PARVA: variants seen among roughly 807,000 people sequenced by gnomAD.
PARVA encodes parvin alpha.
Under a neutral mutation model 52.6 loss-of-function variants are expected in PARVA, and 25 were observed. The observed-to-expected ratio is 0.48, with a 90% CI of 0.35 to 0.66. The LOEUF (loss-of-function observed/expected upper bound fraction) is 0.66. Among genes scored for constraint, PARVA ranks in the 30% least tolerant of loss-of-function variants. The probability of loss-of-function intolerance (pLI) is 0.01; values close to 1 mark genes in which losing one functional copy is unlikely to be tolerated. For missense variants in PARVA, 373 were observed against 450.9 expected (o/e 0.83, Z 1.56); for synonymous variants, 185 against 179.1 (o/e 1.03, Z -0.26).
intron 1 of PARVA, among the ~76,000 whole-genome samples, chr11:12,416,497 A>G (rs1940069106): frequency 6.6e-6 from 1 of 152,182 alleles, no homozygotes; most frequent in Non-Finnish European, 1.5e-5. Flanking sequence ...AACCTAAATA[A>G]TGAATACCAA....
chr11:12,496,358 G>GCATGAGTGCATGCATT, intron 4 of PARVA, 100 bp from the exon 5 acceptor site: 2 of 1,238,752 alleles, frequency 1.6e-6, no homozygotes, highest in Non-Finnish European at 2.2e-6. Context: ...GTGCATGCAT[G>GCATGAGTGCATGCATT]CATGAGTGCA....
chr11:12,419,115 T>TA (rs1342141397), intron 1 of PARVA, among the ~76,000 whole-genome samples: 1 of 152,182 alleles, frequency 6.6e-6, no homozygotes, highest in African/African-American at 2.4e-5. Flanking sequence ...CCAGCCATCT[T>TA]AAAAAAATTG....
chr11:12,513,368 A>C lies in PARVA; in HGVS notation c.798+8A>C. ...CTGAATGTGGTGAAAAAGGTGGGAA[A>C]GGGGTGCCTGGGATGGACAGAGGGA... On this transcript the variant is annotated splice_region_variant and intron_variant, in intron 9 of 12. Coordinates refer to ENST00000334956, the MANE Select transcript of PARVA (RefSeq NM_018222.5). 1 of 1,613,060 alleles carries C rather than the reference A, an allele frequency of 6.2e-7. No homozygotes were observed. Among genetic ancestry groups the C allele is most frequent in the Non-Finnish European group, 8.5e-7 (1 of 1,178,978 alleles).
chr11:12,486,935 C>A, intron 4 of PARVA, among the ~76,000 whole-genome samples: 1 of 152,194 alleles, frequency 6.6e-6, no homozygotes, highest in East Asian at 1.9e-4. Context: ...TTGGTAGCGG[C>A]AACTAGTGGT....
chr11:12,527,907 G>C lies in PARVA; in HGVS notation c.1101G>C (p.Lys367Asn), dbSNP rs1478564474. ...GAGTGTTGTACAACCTCTTCACCAA[G>C]TACCGTAACGTGGAGTGAGGGGCTG... Reference protein sequence around the residue: ...TLRVLYNLFTKYRNVE With the variant: ...TLRVLYNLFTNYRNVE The change falls in exon 13 of 13, where the codon AAG (lysine) becomes AAC (asparagine). Residue 367 changes from lysine (K) to asparagine (N), a missense_variant. Lys to Asn is a moderately conservative substitution (Grantham distance 94). Transcript: ENST00000334956. 1.9e-6 allele frequency: 3 copies of C among 1,612,510 alleles called. No individual in the cohort carries two copies. The East Asian group carries it at 6.7e-5, about 36-fold the overall frequency.
intron 7 of PARVA, among the ~76,000 whole-genome samples, chr11:12,509,632 T>G (rs900955852): frequency 6.6e-6 from 1 of 152,200 alleles, no homozygotes; most frequent in East Asian, 1.9e-4. Context: ...TAACAAGGAC[T>G]AAGGGGCGTG....
chr11:12,503,725 C>T (rs911541832), intron 5 of PARVA, among the ~76,000 whole-genome samples: 2 of 151,386 alleles, frequency 1.3e-5, no homozygotes, highest in African/African-American at 4.9e-5. Context: ...CAGAGCAAGA[C>T]CCTGCTTCAA....
At chr11:12,525,645 G>T (rs1023896151) in intron 12 of PARVA, among the ~76,000 whole-genome samples, 3 of 152,182 alleles carry the variant, frequency 2.0e-5, no homozygotes, top group African/African-American at 7.2e-5. Context: ...CTGGCAGAAG[G>T]TGATTCAGGG....
At chr11:12,500,394 T>A (rs1941349583) in intron 5 of PARVA, among the ~76,000 whole-genome samples, 2 of 152,132 alleles carry the variant, frequency 1.3e-5, no homozygotes, top group African/African-American at 4.8e-5. Context: ...CCAGGAGACG[T>A]GTTGAGAGGC....
At chr11:12,527,414 G>A (rs975134174) in intron 12 of PARVA, among the ~76,000 whole-genome samples, 2 of 152,122 alleles carry the variant, frequency 1.3e-5, no homozygotes, top group African/African-American at 2.4e-5. Context: ...ATTCTTAATC[G>A]GAACCTGTCT....
chr11:12,434,594 G>T (rs1448215138), intron 1 of PARVA, among the ~76,000 whole-genome samples: 1 of 152,156 alleles, frequency 6.6e-6, no homozygotes, highest in African/African-American at 2.4e-5. Context: ...TGCCCTCTGG[G>T]CTTCCCCTTC....
chr11:12,501,521 C>A (rs529253449), intron 5 of PARVA, among the ~76,000 whole-genome samples: 1 of 152,226 alleles, frequency 6.6e-6, no homozygotes, highest in South Asian at 2.1e-4. Flanking sequence ...GTTAGGACTC[C>A]AGAATCCTCA....
chr11:12,410,223 A>G (rs1053704313), intron 1 of PARVA, among the ~76,000 whole-genome samples: 1 of 152,228 alleles, frequency 6.6e-6, no homozygotes, highest in African/African-American at 2.4e-5. Context: ...GGCAGGGATC[A>G]GGTTTGCCTT....
chr11:12,430,968 A>G (rs530143837), intron 1 of PARVA, among the ~76,000 whole-genome samples: 24 of 152,336 alleles, frequency 1.6e-4, no homozygotes, highest in South Asian at 8.3e-4. Context: ...TGTTCGAGAA[A>G]TTTGACAAAA....
intron 5 of PARVA, among the ~76,000 whole-genome samples, chr11:12,499,022 G>A (rs1241398593): frequency 1.3e-5 from 2 of 152,116 alleles, no homozygotes; most frequent in Non-Finnish European, 2.9e-5. Context: ...TTAAACCCTA[G>A]GTTGATGCCT....
chr11:12,389,293 C>T (rs1033827590), intron 1 of PARVA, among the ~76,000 whole-genome samples: 3 of 152,144 alleles, frequency 2.0e-5, no homozygotes, highest in East Asian at 1.9e-4. Flanking sequence ...TGTCTGCTCC[C>T]TTCTGTCAGA....
intron 1 of PARVA, among the ~76,000 whole-genome samples, chr11:12,469,970 T>A (rs1186959795): frequency 6.6e-6 from 1 of 152,204 alleles, no homozygotes; most frequent in East Asian, 1.9e-4. Context: ...TTTCAATACC[T>A]CTCCATTTAC....
intron 3 of PARVA, among the ~76,000 whole-genome samples, chr11:12,474,592 G>A (rs1329996825): frequency 1.3e-5 from 2 of 152,064 alleles, no homozygotes; most frequent in Non-Finnish European, 2.9e-5. Flanking sequence ...AGCACTCTGC[G>A]GAGGCCAAGG....
At chr11:12,468,681 A>C (rs1447565994) in intron 1 of PARVA, among the ~76,000 whole-genome samples, 1 of 152,184 alleles carries the variant, frequency 6.6e-6, no homozygotes, top group Non-Finnish European at 1.5e-5. Context: ...GTTGTGGCTT[A>C]ATAGTATCAA....
Sources: allele counts gnomAD v4.1 joint callset (sites outside exome capture counted in the v4.1 genomes callset), GRCh38; gene constraint gnomAD v4.1.1; transcripts MANE v1.5; gene names NCBI Gene and HGNC (gene_info 2026-07-23, HGNC 2026-07-21).